NAV3: variants seen among roughly 807,000 people sequenced by gnomAD.
NAV3 encodes the protein neuron navigator 3.
Under a neutral mutation model 244.7 loss-of-function variants are expected in NAV3, and 87 were observed. That is an observed-to-expected ratio of 0.36 (90% CI 0.30 to 0.42). The LOEUF is 0.42. Ranked by LOEUF, NAV3 falls within the 20% of genes least tolerant of loss-of-function variation. NAV3 has a pLI of 1.00. For synonymous variants in NAV3, 1,126 were observed against 1,042.2 expected (o/e 1.08, Z -1.55); for missense variants, 2,663 against 2,893.3 (o/e 0.92, Z 1.83).
intron 2 of NAV3, among the ~76,000 whole-genome samples, chr12:77,823,846 A>T (rs1384462710): frequency 6.6e-6 from 1 of 152,232 alleles, no homozygotes; most frequent in Non-Finnish European, 1.5e-5. Flanking sequence ...TTGTTAAAAC[A>T]ACTATTATAA....
rs2136552369 is a variant in NAV3, at chr12:78,006,400, T to C, written c.881-19T>C. 2 of 1,596,172 alleles carry C rather than the reference T, an allele frequency of 1.3e-6. No individual in the cohort carries two copies. Among genetic ancestry groups the C allele is most frequent in the Non-Finnish European group, 1.7e-6 (2 of 1,169,794 alleles). On this transcript the variant is annotated intron_variant, in intron 7 of 39. Coordinates refer to ENST00000397909, the MANE Select transcript of NAV3 (RefSeq NM_001024383.2). ...AGATTAATCGCCTTTTCTTTATTTTTCTTCTAAACAATGTCCAGATTCCTC... is the reference window on the plus strand; with the variant it reads ...AGATTAATCGCCTTTTCTTTATTTTCCTTCTAAACAATGTCCAGATTCCTC...
intron 20 of NAV3, among the ~76,000 whole-genome samples, chr12:78,146,123 G>T (rs1956853330): frequency 6.6e-6 from 1 of 151,846 alleles, no homozygotes; most frequent in African/African-American, 2.4e-5. Context: ...TTGCTTAAAG[G>T]AATATTATGG....
intron 2 of NAV3, among the ~76,000 whole-genome samples, chr12:77,753,740 C>T (rs761977310): frequency 7.2e-5 from 11 of 152,050 alleles, no homozygotes; most frequent in Non-Finnish European, 1.5e-4. Flanking sequence ...ACAAGTGGTA[C>T]CATTTATCAA....
chr12:77,684,284 T>TTC (rs2137126715), intron 2 of NAV3, among the ~76,000 whole-genome samples: 1 of 126,522 alleles, frequency 7.9e-6, no homozygotes, highest in South Asian at 2.6e-4. Flanking sequence ...TATTATTATT[T>TTC]ATTGTTGTTA....
In NAV3 at chr12:78,188,290, A is replaced by C; in HGVS notation, c.5833A>C (p.Ser1945Arg). 6.2e-7 allele frequency: 1 copy of C among 1,611,628 alleles called. No homozygotes were observed. The highest frequency in any genetic ancestry group is 8.5e-7 in the Non-Finnish European group (1 of 1,178,334). Reference sequence around the variant, plus strand: ...ATATTTGATAGGATCCATTGGTGTTAGTGGAAAAACCAAGTGGGATGTCTT... The same window carrying C: ...ATATTTGATAGGATCCATTGGTGTTCGTGGAAAAACCAAGTGGGATGTCTT... ...QAYLIGSIGV[S>R]GKTKWDVLDG... The change falls in exon 32 of 40, where the codon AGT becomes CGT. Residue 1945 changes from serine to arginine, a missense_variant. Physicochemically the swap from Ser to Arg is moderately radical, Grantham distance 110. Around this residue, in one of 6 missense-constraint regions of NAV3, gnomAD observed 543 missense variants for 672.4 expected, o/e 0.81. Transcript: ENST00000397909.
chr12:78,153,527 G>A (rs942092717), intron 22 of NAV3, among the ~76,000 whole-genome samples: 1 of 152,034 alleles, frequency 6.6e-6, no homozygotes, highest in Admixed American at 6.6e-5. Flanking sequence ...CAAACAATAA[G>A]CCAGATAGCC....
At chr12:78,154,520 A>G (rs913989920) in intron 22 of NAV3, among the ~76,000 whole-genome samples, 1 of 151,050 alleles carries the variant, frequency 6.6e-6, no homozygotes, top group African/African-American at 2.4e-5. Context: ...ATATCTATTC[A>G]GATTACTTTT....
intron 12 of NAV3, among the ~76,000 whole-genome samples, chr12:78,064,466 T>TGCCTGC (rs1566082445): frequency 4.2e-5 from 5 of 117,962 alleles, no homozygotes; most frequent in African/African-American, 1.3e-4. Flanking sequence ...TGCCTGCCTG[T>TGCCTGC]CTGTCTATAT....
At chr12:77,867,473 G>A (rs1297895703) in intron 1 of NAV3, among the ~76,000 whole-genome samples, 1 of 152,142 alleles carries the variant, frequency 6.6e-6, no homozygotes, top group Non-Finnish European at 1.5e-5. Context: ...AGGCTGGAGT[G>A]CAGTGGCGCG....
chr12:77,644,678 G>A (rs1872546982), intron 2 of NAV3, among the ~76,000 whole-genome samples: 1 of 152,018 alleles, frequency 6.6e-6, no homozygotes, highest in African/African-American at 2.4e-5. Flanking sequence ...TTTACACCAA[G>A]AAGGAATTTT....
intron 1 of NAV3, among the ~76,000 whole-genome samples, chr12:77,851,917 G>A (rs1437531853): frequency 2.6e-5 from 4 of 152,086 alleles, no homozygotes; most frequent in South Asian, 2.1e-4. Context: ...TTTAGTCTTC[G>A]TGTGTACTAC....
chr12:77,789,984 T>C (rs1481692317), intron 2 of NAV3, among the ~76,000 whole-genome samples: 1 of 152,078 alleles, frequency 6.6e-6, no homozygotes, highest in African/African-American at 2.4e-5. Flanking sequence ...GAATATATTT[T>C]CCTCATCTAC....
intron 22 of NAV3, among the ~76,000 whole-genome samples, chr12:78,152,622 CTG>C (rs1221038241): frequency 1.3e-5 from 2 of 151,784 alleles, no homozygotes; most frequent in Non-Finnish European, 2.9e-5. Flanking sequence ...GTAAGAAGTG[CTG>C]TGTTTAAATT....
intron 2 of NAV3, among the ~76,000 whole-genome samples, chr12:77,646,292 T>G (rs115913836): frequency 0.014 from 2,155 of 152,256 alleles, 62 homozygotes; most frequent in African/African-American, 0.049. Context: ...TAAAGCACGC[T>G]ATATAATTTT....
intron 2 of NAV3, among the ~76,000 whole-genome samples, chr12:77,634,717 T>A (rs11106053): frequency 6.6e-6 from 1 of 152,078 alleles, no homozygotes; most frequent in African/African-American, 2.4e-5. Flanking sequence ...TCTAGTCTTA[T>A]GTATTAAAAA....
chr12:78,023,113 A>C (rs535135737), intron 9 of NAV3, among the ~76,000 whole-genome samples: 6 of 152,298 alleles, frequency 3.9e-5, no homozygotes, highest in African/African-American at 1.4e-4. Flanking sequence ...GAAGATGTGT[A>C]TGCCTCATAT....
chr12:78,114,890 T>C (rs995459685), intron 12 of NAV3, among the ~76,000 whole-genome samples: 3 of 152,200 alleles, frequency 2.0e-5, no homozygotes, highest in Non-Finnish European at 4.4e-5. Context: ...ATAATTATGA[T>C]GCATTATGCT....
intron 1 of NAV3, among the ~76,000 whole-genome samples, chr12:77,861,946 CT>C (rs911536460): frequency 6.6e-6 from 1 of 151,742 alleles, no homozygotes; most frequent in Non-Finnish European, 1.5e-5. Context: ...ATTGATATAG[CT>C]TTTTTGTCTA....
rs11106439 is a variant in NAV3 at position 77,725,544 on chromosome 12, G to A, written c.72+153278G>A. ...AAAATGTGGCAGTCTTAAGCCCAAT[G>A]CTGCAAACTATACTGGTAAAATAGG... On this transcript the variant is annotated intron_variant, in intron 2 of 8. Coordinates refer to the NAV3 transcript ENST00000550042. Among the ~76,000 whole-genome samples the A allele has an allele frequency of 7.9e-5, 12 of 151,416 alleles. No individual in the cohort carries two copies. The East Asian group carries it at 1.8e-3, about 22-fold the overall frequency.
Sources: gnomAD v4.1 joint callset for allele counts (sites outside exome capture counted in the v4.1 genomes callset) on GRCh38, gnomAD v4.1.1 for gene constraint, gnomAD v4.1.1 regional missense constraint, MANE v1.5 for transcripts, NCBI Gene and HGNC (gene_info 2026-07-23, HGNC 2026-07-21) for gene names.